WDPCP: variants seen among roughly 807,000 people sequenced by gnomAD.
WDPCP encodes WD repeat-containing and planar cell polarity effector protein fritz homolog.
In WDPCP, 71 loss-of-function variants were observed where a neutral mutation model predicts 93.1. The observed-to-expected ratio is 0.76, with a 90% CI of 0.63 to 0.93. WDPCP has a LOEUF of 0.93. WDPCP is among the 40% of genes least tolerant of loss of function. WDPCP has a pLI of 0.00. For missense variants in WDPCP, 844 were observed against 887.4 expected (o/e 0.95, Z 0.62); for synonymous variants, 315 against 315.0 (o/e 1.00, Z 0.00).
chr2:63,612,564 A>C (rs757835118), intron 3 of WDPCP, among the ~76,000 whole-genome samples: 1 of 152,208 alleles, frequency 6.6e-6, no homozygotes, highest in Non-Finnish European at 1.5e-5. Flanking sequence ...GTTGGCACTG[A>C]CATGGACATA....
intron 14 of WDPCP, chr2:63,229,990 G>C (rs1678692852): frequency 6.6e-6 from 1 of 151,958 alleles, no homozygotes; most frequent in Non-Finnish European, 1.5e-5. Context: ...CAATGTGCAG[G>C]TTTGTTACAC....
chr2:63,731,559 G>T (rs1051024445), intron 2 of WDPCP, among the ~76,000 whole-genome samples: 2 of 152,100 alleles, frequency 1.3e-5, no homozygotes, highest in African/African-American at 4.8e-5. Context: ...CAAAATGGAG[G>T]AAAGTAAGAT....
chr2:63,574,388 G>A (rs6706123), intron 1 of WDPCP, among the ~76,000 whole-genome samples: 109,535 of 151,690 alleles, frequency 0.72, 39,930 homozygotes, highest in East Asian at 0.98. Context: ...AATTTTACCC[G>A]ATATCTGGCT....
intron 10 of WDPCP, among the ~76,000 whole-genome samples, chr2:63,397,154 A>G (rs1459655882): frequency 6.6e-6 from 1 of 152,178 alleles, no homozygotes; most frequent in Non-Finnish European, 1.5e-5. Flanking sequence ...GAAGGTCTAC[A>G]TTAAAGCAAT....
chr2:63,719,264 G>C (rs1266553838), intron 2 of WDPCP, among the ~76,000 whole-genome samples: 1 of 152,190 alleles, frequency 6.6e-6, no homozygotes, highest in African/African-American at 2.4e-5. Context: ...GGGCTACTTA[G>C]AATGAGTTAT....
chr2:63,652,094 A>C (rs1710116665), intron 2 of WDPCP, among the ~76,000 whole-genome samples: 1 of 152,226 alleles, frequency 6.6e-6, no homozygotes, highest in African/African-American at 2.4e-5. Flanking sequence ...CAGATAATGC[A>C]ATATTGAAAG....
At chr2:63,415,707 C>A (rs1031780685) in intron 9 of WDPCP, among the ~76,000 whole-genome samples, 3 of 152,124 alleles carry the variant, frequency 2.0e-5, no homozygotes, top group Non-Finnish European at 2.9e-5. Flanking sequence ...TCAGCTTTTC[C>A]TTTATACAAT....
At chr2:63,299,648 T>A (rs935543320) in intron 13 of WDPCP, among the ~76,000 whole-genome samples, 3 of 152,246 alleles carry the variant, frequency 2.0e-5, no homozygotes, top group South Asian at 2.1e-4. Context: ...ACGGGGTGCA[T>A]ACGAGCCTCG....
At chr2:63,352,232 T>C (rs1009842925) in intron 12 of WDPCP, among the ~76,000 whole-genome samples, 2 of 152,236 alleles carry the variant, frequency 1.3e-5, no homozygotes, top group Non-Finnish European at 2.9e-5. Context: ...CTGTTTACTC[T>C]GTTGATAGTT....
chr2:63,145,511 G>T (rs1187835803), intron 17 of WDPCP, among the ~76,000 whole-genome samples: 1 of 152,108 alleles, frequency 6.6e-6, no homozygotes, highest in Admixed American at 6.5e-5. Context: ...CCTCTGCTGA[G>T]AAATGCAGTT....
chr2:63,666,920 G>GAGCAGCTTA (rs1710289012), intron 2 of WDPCP, among the ~76,000 whole-genome samples: 1 of 152,094 alleles, frequency 6.6e-6, no homozygotes, highest in Non-Finnish European at 1.5e-5. Context: ...CCATAAAAAA[G>GAGCAGCTTA]AGCAGCTTAA....
chr2:63,676,792 T>TAC lies in WDPCP; in HGVS notation n.309-25956_309-25955dup, dbSNP rs57392701. 2.1e-4 allele frequency among the ~76,000 whole-genome samples: 31 copies of TAC among 147,440 alleles called. No individual in the cohort carries two copies. In the East Asian group the frequency reaches 3.9e-3, roughly 19 times the overall value. The stretch of plus-strand genomic sequence containing the variant: ...TGAAAAAATTGCATAGAACTACACA[T>TAC]ACACACACACACACACACACATATG... On this transcript the variant is annotated intron_variant and non_coding_transcript_variant, in intron 2 of 4. Transcript: ENST00000467687.
intron 2 of WDPCP, among the ~76,000 whole-genome samples, chr2:63,660,407 T>C (rs1710213865): frequency 6.6e-6 from 1 of 152,178 alleles, no homozygotes; most frequent in Non-Finnish European, 1.5e-5. Context: ...CAATTGGTAG[T>C]TGCAGCAAAA....
chr2:63,670,429 T>C (rs1423736473), intron 2 of WDPCP, among the ~76,000 whole-genome samples: 1 of 152,122 alleles, frequency 6.6e-6, no homozygotes, highest in East Asian at 1.9e-4. Context: ...GATCCTGGGA[T>C]CTAGTAGCTA....
intron 9 of WDPCP, among the ~76,000 whole-genome samples, chr2:63,408,737 G>A (rs1021704491): frequency 1.3e-5 from 2 of 152,124 alleles, no homozygotes; most frequent in African/African-American, 4.8e-5. Context: ...CAGGCCCTTT[G>A]GTTTGTGTGG....
chr2:63,197,364 C>T (rs1675525393), intron 14 of WDPCP, among the ~76,000 whole-genome samples: 2 of 152,098 alleles, frequency 1.3e-5, no homozygotes, highest in African/African-American at 2.4e-5. Flanking sequence ...ATTGGTAATG[C>T]TTCCAATCAA....
chr2:63,446,108 T>G (rs1697844359), intron 6 of WDPCP, among the ~76,000 whole-genome samples: 1 of 152,156 alleles, frequency 6.6e-6, no homozygotes, highest in Admixed American at 6.5e-5. Flanking sequence ...TTCCATGCAA[T>G]ATCCCATCTG....
chr2:63,465,235 C>A (rs1467472849), intron 6 of WDPCP, among the ~76,000 whole-genome samples: 1 of 151,956 alleles, frequency 6.6e-6, no homozygotes, highest in African/African-American at 2.4e-5. Context: ...CCATAATAAA[C>A]CTATGACTTA....
chr2:63,568,891 T>C (rs1707273728), intron 1 of WDPCP, among the ~76,000 whole-genome samples: 1 of 152,230 alleles, frequency 6.6e-6, no homozygotes, highest in African/African-American at 2.4e-5. Flanking sequence ...TAAAGTACAC[T>C]GATTTCTTTA....
Sources: allele counts gnomAD v4.1 joint callset (sites outside exome capture counted in the v4.1 genomes callset), GRCh38; gene constraint gnomAD v4.1.1; transcripts MANE v1.5; gene names NCBI Gene and HGNC (gene_info 2026-07-23, HGNC 2026-07-21).